Variants in CLNK observed in about 807,000 individuals in gnomAD.
The protein encoded by CLNK is cytokine dependent hematopoietic cell linker, also known as cytokine-dependent hematopoietic cell linker.
A neutral mutation model predicts 68.6 loss-of-function variants in CLNK; 74 were observed. The ratio of observed to expected loss-of-function variants is 1.08; its 90% CI spans 0.89 to 1.31. The LOEUF (loss-of-function observed/expected upper bound fraction) is 1.31, where lower values mean the gene tolerates loss of function less well. CLNK is among the 50% of genes most tolerant of loss of function. CLNK has a pLI of 0.00. For missense variants in CLNK, 553 were observed against 515.3 expected (o/e 1.07, Z -0.71); for synonymous variants, 198 against 172.2 (o/e 1.15, Z -1.17).
At position 10,581,231 on chromosome 4, in the gene CLNK, C is replaced by T. The variant is rs115894180; in HGVS notation, c.112+3696G>A. 6.3e-3 allele frequency among the ~76,000 whole-genome samples: 958 copies of T among 152,184 alleles called. 19 individuals are homozygous for T. In the East Asian group the frequency reaches 0.065, roughly 10 times the overall value. On this transcript the variant is annotated intron_variant, in intron 4 of 18. Coordinates refer to ENST00000226951, the MANE Select transcript of CLNK (RefSeq NM_052964.4). ...AGGTTTGTGTAAGTACATTCTATGA[C>T]GTACACACAATGTTGAAATCACCTA...
At chr4:10,602,692 T>C (rs1479362786) in intron 2 of CLNK, among the ~76,000 whole-genome samples, 6 of 152,210 alleles carry the variant, frequency 3.9e-5, no homozygotes. Context: ...CAATTTGTTA[T>C]GGCAGCCGCA....
intron 2 of CLNK, among the ~76,000 whole-genome samples, chr4:10,630,431 T>C (rs1466318736): frequency 6.6e-6 from 1 of 152,236 alleles, no homozygotes; most frequent in East Asian, 1.9e-4. Flanking sequence ...TTGTGTCTAA[T>C]GAGCCAGAAG....
chr4:10,728,225 C>A, the CLNK span, among the ~76,000 whole-genome samples: 10 of 152,124 alleles, frequency 6.6e-5, no homozygotes, highest in Non-Finnish European at 1.2e-4. Flanking sequence ...CACTGAGAAA[C>A]CATGATGCAA....
chr4:10,488,372 T>C lies in CLNK; in HGVS notation c.*2095A>G, dbSNP rs1560184480. On this transcript the variant is annotated 3_prime_UTR_variant, in exon 19 of 19. Coordinates refer to ENST00000226951, the MANE Select transcript of CLNK (RefSeq NM_052964.4). ...TGAATCAGTGAGTTGGAGGTATCAG[T>C]AATCTCCCAATAGCTTTTTAGGGTG... is the stretch of plus-strand genomic sequence containing the variant. 6.6e-6 allele frequency: 1 copy of C among 152,226 alleles called. No homozygotes were observed. The highest frequency in any genetic ancestry group is 1.5e-5 in the Non-Finnish European group (1 of 68,054). 9.4% of individuals were successfully genotyped at this position (152,226 alleles called of 1,614,324 possible). A position where few individuals can be genotyped will look rare whatever the true frequency, so the allele number is the denominator to read the frequency against.
chr4:10,519,845 ATAT>A (rs1447288692), intron 15 of CLNK, among the ~76,000 whole-genome samples: 9 of 152,134 alleles, frequency 5.9e-5, no homozygotes, highest in East Asian at 1.9e-4. Flanking sequence ...GTGTGTGCAA[ATAT>A]TATATTAATA....
chr4:10,519,875 C>A (rs1368492866), intron 15 of CLNK, among the ~76,000 whole-genome samples: 1 of 151,968 alleles, frequency 6.6e-6, no homozygotes, highest in East Asian at 1.9e-4. Flanking sequence ...TGTCAGTTAA[C>A]ATTACTACTT....
intron 10 of CLNK, 135 bp downstream of exon 10, chr4:10,541,887 T>A (rs1719046127): frequency 2.9e-6 from 2 of 688,392 alleles, no homozygotes; most frequent in South Asian, 1.8e-5. Flanking sequence ...TAGTTTTTTT[T>A]TTTTCCACAT....
At chr4:10,536,547 C>T (rs1484797926) in intron 11 of CLNK, among the ~76,000 whole-genome samples, 1 of 152,152 alleles carries the variant, frequency 6.6e-6, no homozygotes, top group South Asian at 2.1e-4. Flanking sequence ...AACCCTGTGA[C>T]TTTAAGTTAC....
At chr4:10,720,575 C>T in the CLNK span, among the ~76,000 whole-genome samples, 6 of 151,136 alleles carry the variant, frequency 4.0e-5, no homozygotes, top group East Asian at 3.9e-4. Context: ...TAAAAACCTC[C>T]GCAAAACGTG....
At chr4:10,699,268 C>CACACACACACACCACGTATGTGTGTAT in the CLNK span, among the ~76,000 whole-genome samples, 8 of 32,414 alleles carry the variant, frequency 2.5e-4, 1 homozygote, top group Admixed American at 2.6e-3. Context: ...TGTGTATACA[C>CACACACACACACCACGTATGTGTGTAT]ACACACACAC....
rs773429696 is a variant in CLNK, at chr4:10,584,965, A to G, written c.84-10T>C. On this transcript the variant is annotated splice_polypyrimidine_tract_variant and intron_variant, in intron 3 of 18. Transcript: ENST00000226951. ...GATGCGAGGCCATGACCTAGGGCAG[A>G]AAAGAGAACCAAGTTAAATGTCCAT... The G allele has an allele frequency of 6.2e-7, 1 of 1,613,590 alleles. No individual in the cohort carries two copies. The highest frequency in any genetic ancestry group is 8.5e-7 in the Non-Finnish European group (1 of 1,179,758).
chr4:10,508,044 A>T lies in CLNK; in HGVS notation c.907-8T>A, dbSNP rs574740319. On this transcript the variant is annotated splice_region_variant and splice_polypyrimidine_tract_variant and intron_variant, in intron 16 of 18. Coordinates refer to ENST00000226951, the MANE Select transcript of CLNK (RefSeq NM_052964.4). The stretch of plus-strand genomic sequence containing the variant: ...TTCATTGTGCTGGACATCCTGCAGA[A>T]CAGAATCAATGATAAATATTTTAGG... 2 of 1,600,778 alleles carry T rather than the reference A, an allele frequency of 1.2e-6. No individual in the cohort carries two copies. The highest frequency in any genetic ancestry group is 1.7e-6 in the Non-Finnish European group (2 of 1,172,870).
the CLNK span, among the ~76,000 whole-genome samples, chr4:10,707,536 T>C: frequency 1.3e-5 from 2 of 152,248 alleles, no homozygotes; most frequent in South Asian, 2.1e-4. Flanking sequence ...AACCAATGTA[T>C]ACCTTCCATG....
At chr4:10,695,513 C>G in the CLNK span, among the ~76,000 whole-genome samples, 2 of 152,224 alleles carry the variant, frequency 1.3e-5, no homozygotes, top group Non-Finnish European at 2.9e-5. Context: ...CTCCTTTTCT[C>G]TCAAGCTAAA....
chr4:10,682,372 C>G (rs1725126406), intron 1 of CLNK, among the ~76,000 whole-genome samples: 1 of 152,128 alleles, frequency 6.6e-6, no homozygotes. Context: ...CAAGTCTTGG[C>G]AGATGTTGGC....
chr4:10,642,443 A>T (rs1271677286), intron 2 of CLNK, among the ~76,000 whole-genome samples: 5 of 152,186 alleles, frequency 3.3e-5, no homozygotes, highest in Admixed American at 2.0e-4. Context: ...GAGTCATTTA[A>T]TTTATACCCT....
intron 18 of CLNK, among the ~76,000 whole-genome samples, chr4:10,494,985 A>G (rs1024911065): frequency 2.6e-5 from 4 of 152,038 alleles, no homozygotes; most frequent in African/African-American, 4.8e-5. Flanking sequence ...AAAGTAAAGA[A>G]ATCTGTTTGG....
chr4:10,575,901 T>C (rs1250194536), intron 4 of CLNK, among the ~76,000 whole-genome samples: 3 of 152,256 alleles, frequency 2.0e-5, no homozygotes, highest in Non-Finnish European at 4.4e-5. Flanking sequence ...TAGTCCTCCC[T>C]GATTAAGACT....
chr4:10,689,745 A>ATTTTTTTTTTTTTTTTTTTTTTTTTTTTT (rs71651341), upstream of CLNK, among the ~76,000 whole-genome samples: 2 of 100,094 alleles, frequency 2.0e-5, no homozygotes, highest in East Asian at 2.8e-4. Flanking sequence ...AAACCCATGC[A>ATTTTTTTTTTTTTTTTTTTTTTTTTTTTT]TTTTTTTTTT....
Sources: gnomAD v4.1 joint callset for allele counts (sites outside exome capture counted in the v4.1 genomes callset) on GRCh38, gnomAD v4.1.1 for gene constraint, MANE v1.5 for transcripts, NCBI Gene and HGNC (gene_info 2026-07-23, HGNC 2026-07-21) for gene names.